CYB5RL: variants seen among roughly 807,000 people sequenced by gnomAD.
CYB5RL encodes the protein cytochrome b5 reductase like.
A neutral mutation model predicts 37.5 loss-of-function variants in CYB5RL; 38 were observed. The observed-to-expected ratio is 1.01, with a 90% CI of 0.78 to 1.33. The LOEUF (loss-of-function observed/expected upper bound fraction) is 1.33, where lower values mean the gene tolerates loss of function less well. Among genes scored for constraint, CYB5RL ranks in the 40% most tolerant of loss-of-function variants. The pLI, the probability that CYB5RL is intolerant of heterozygous loss-of-function variation, is 0.00. For synonymous variants in CYB5RL, 141 were observed against 151.9 expected, an observed-to-expected ratio of 0.93 and a Z score of 0.53; for missense variants, 388 against 394.4, an observed-to-expected ratio of 0.98 and a Z score of 0.14.
rs1232685056 is a variant in CYB5RL, at chr1:54,187,342, A to G, written c.435+310T>C. 3.3e-5 allele frequency among the ~76,000 whole-genome samples: 5 copies of G among 152,110 alleles called. No homozygotes were observed. The East Asian group carries it at 7.7e-4, about 23-fold the overall frequency. ...AGAATGCCATTTACGGCCACTGCCA[A>G]TTTGTACTCCTTCTTCAAGGTCCAA... On this transcript the variant is annotated intron_variant, in intron 5 of 7. Transcript: ENST00000534324.
chr1:54,193,338 A>C (rs1380399090), intron 3 of CYB5RL, among the ~76,000 whole-genome samples: 1 of 152,206 alleles, frequency 6.6e-6, no homozygotes, highest in Admixed American at 6.5e-5. Context: ...ACATAAGAGT[A>C]CATCTAGATG....
At position 54,172,335 on chromosome 1, in the gene CYB5RL, C is replaced by CAT. The variant is rs1659912332; in HGVS notation, c.*2283_*2284insAT. The CAT allele has an allele frequency of 9.5e-6, 1 of 104,858 alleles. No individual in the cohort carries two copies. The allele number at this position is 104,858 out of a possible 1,614,324, so 6.5% of individuals were successfully genotyped here. ...GCGCATACCACCACATAAGGTTAATCTTTTTTTTTTTTTTTTTTTTGTAGA... is the reference window on the plus strand; with the variant it reads ...GCGCATACCACCACATAAGGTTAATCATTTTTTTTTTTTTTTTTTTTTGTAGA... On this transcript the variant is annotated 3_prime_UTR_variant, in exon 8 of 8. Transcript: ENST00000534324.
intron 5 of CYB5RL, among the ~76,000 whole-genome samples, chr1:54,186,877 G>A (rs769015813): frequency 1.3e-5 from 2 of 151,888 alleles, no homozygotes; most frequent in African/African-American, 2.4e-5. Context: ...GGGGGACTCC[G>A]TTTACTTATC....
chr1:54,195,589 C>G lies in CYB5RL; in HGVS notation c.28G>C (p.Asp10His). 6.2e-7 allele frequency: 1 copy of G among 1,612,294 alleles called. No individual in the cohort carries two copies. Among genetic ancestry groups the G allele is most frequent in the Non-Finnish European group, 8.5e-7 (1 of 1,178,802 alleles). The change falls in exon 3 of 8, where the codon GAC (aspartate) becomes CAC (histidine). Residue 10 changes from aspartate to histidine, a missense_variant. Asp to His is a moderately conservative substitution (Grantham distance 81). Transcript: ENST00000534324. MMAEREEDD[D>H]TEEAWMQLRP... ...AGCTGCATCCAGGCTTCCTCAGTGT[C>G]GTCGTCCTCTTCCCTCTCAGCCATC...
Position 54,179,319 on chromosome 1 carries a change from C to T in CYB5RL, c.574G>A (p.Gly192Ser), listed in dbSNP as rs199997558. The T allele has an allele frequency of 1.5e-5, 24 of 1,613,664 alleles. No individual in the cohort carries two copies. The East Asian group carries it at 4.5e-4, about 30-fold the overall frequency. The stretch of plus-strand genomic sequence containing the variant: ...AGGATAGGCACCATGGGGGCCAGGC[C>T]CGTGCCCGCAGCCAGCAAGAGGAGC... ...GELLLLAAGT[G>S]LAPMVPILQS... The change falls in exon 7 of 8, where the codon GGC (glycine) becomes AGC (serine). Residue 192 changes from glycine to serine, a missense_variant. Transcript: ENST00000534324.
chr1:54,180,165 A>G, intron 6 of CYB5RL: 1 of 416,896 alleles, frequency 2.4e-6, no homozygotes, highest in Non-Finnish European at 4.7e-6. Context: ...TGAGCCTGGG[A>G]GGCAGAGGTT....
At chr1:54,182,088 A>C (rs1660173977) in intron 6 of CYB5RL, among the ~76,000 whole-genome samples, 2 of 152,246 alleles carry the variant, frequency 1.3e-5, no homozygotes, top group Admixed American at 1.3e-4. Context: ...ACTCTAGACA[A>C]GGAGGAAACA....
chr1:54,192,137 A>G (rs969056716), intron 3 of CYB5RL, among the ~76,000 whole-genome samples: 3 of 151,964 alleles, frequency 2.0e-5, no homozygotes, highest in African/African-American at 7.2e-5. Flanking sequence ...ATGCTATTTT[A>G]TAGGACTGAC....
chr1:54,179,605 A>G (rs1275120143), intron 6 of CYB5RL, among the ~76,000 whole-genome samples: 1 of 152,214 alleles, frequency 6.6e-6, no homozygotes, highest in Non-Finnish European at 1.5e-5. Context: ...CCATCCTGTA[A>G]GTGGCCTGGT....
rs1384503037 is a variant in CYB5RL, at chr1:54,171,355, C to A, written c.*3264G>T. On this transcript the variant is annotated 3_prime_UTR_variant, in exon 8 of 8. Transcript: ENST00000534324. Reference sequence around the variant, plus strand: ...GCAGAGAGGCCCTACCCCAAGGCCACAGGGAGACAGGGAAGGATTTCAAGC... The same window carrying A: ...GCAGAGAGGCCCTACCCCAAGGCCAAAGGGAGACAGGGAAGGATTTCAAGC... 1 of 456,298 alleles carries A rather than the reference C, an allele frequency of 2.2e-6. No individual in the cohort carries two copies. Among genetic ancestry groups the A allele is most frequent in the African/African-American group, 2.0e-5 (1 of 50,118 alleles). The allele number at this position is 456,298 out of a possible 1,614,324, so 28.3% of individuals were successfully genotyped here. A position where few individuals can be genotyped will look rare whatever the true frequency, so the allele number is the denominator to read the frequency against.
Position 54,174,811 on chromosome 1 carries a change from T to G in CYB5RL, c.756A>C (p.Ser252=), listed in dbSNP as rs1659979356. The stretch of plus-strand genomic sequence containing the variant: ...CTTGGTAACTCCAGGGAAGCTGCTC[T>G]GAGGAGCTCTCCTGGGAAGACAAGA... ...TFFVLSQESS[S]EQLPWSYQEK... The change falls in exon 8 of 8, where the codon TCA becomes TCC. Residue 252 remains serine, a synonymous_variant. Coordinates refer to ENST00000534324, the MANE Select transcript of CYB5RL (RefSeq NM_001031672.4). 5 of 1,613,238 alleles carry G rather than the reference T, an allele frequency of 3.1e-6. No individual in the cohort carries two copies. Among genetic ancestry groups the G allele is most frequent in the Non-Finnish European group, 4.2e-6 (5 of 1,179,870 alleles).
chr1:54,193,561 T>A (rs943035004), intron 3 of CYB5RL, among the ~76,000 whole-genome samples: 12 of 152,110 alleles, frequency 7.9e-5, no homozygotes, highest in African/African-American at 2.4e-4. Context: ...AAATATAAAG[T>A]CATGCATGCC....
chr1:54,190,138 C>A lies in CYB5RL; in HGVS notation c.347+610G>T, dbSNP rs12078362. Among the ~76,000 whole-genome samples the A allele has an allele frequency of 8.1e-3, 1,230 of 152,138 alleles. 18 individuals carry two copies. Among genetic ancestry groups the A allele is most frequent in the African/African-American group, 0.028 (1,170 of 41,498 alleles). On this transcript the variant is annotated intron_variant, in intron 4 of 7. Transcript: ENST00000534324. ...CATCCCAAAGGGTCTTGTCTCTGGG[C>A]AGGCAGGGGTGGGGACTGGGGTGGG...
intron 6 of CYB5RL, among the ~76,000 whole-genome samples, chr1:54,182,321 C>A (rs1276926809): frequency 6.6e-6 from 1 of 152,184 alleles, no homozygotes; most frequent in South Asian, 2.1e-4. Flanking sequence ...TGAGGTGCTA[C>A]ACGTGCTTGA....
rs765433692 is a variant in CYB5RL, at chr1:54,179,222, C to G, written c.671G>C (p.Ser224Thr). ...TTGGAGGAAGGTTTTCAGGTAGATG[C>G]TCTCAAAGGTCTTGAAGCAACCGAC... ...TLVGCFKTFE[S>T]IYLKTFLQEQ... The change falls in exon 7 of 8, where the codon AGC becomes ACC. Residue 224 changes from serine to threonine, a missense_variant. Ser to Thr is a moderately conservative substitution (Grantham distance 58, BLOSUM62 1). Transcript: ENST00000534324. 9 of 1,613,650 alleles carry G rather than the reference C, an allele frequency of 5.6e-6. No homozygotes were observed. In the South Asian group the frequency reaches 9.9e-5, roughly 18 times the overall value.
At chr1:54,194,029 GATAATAATA>G (rs35993013) in intron 3 of CYB5RL, among the ~76,000 whole-genome samples, 2 of 144,326 alleles carry the variant, frequency 1.4e-5, no homozygotes, top group African/African-American at 2.6e-5. Flanking sequence ...TAATAATAAT[GATAATAATA>G]ATAATAATAA....
At chr1:54,189,982 C>A (rs1643934993) in intron 4 of CYB5RL, among the ~76,000 whole-genome samples, 1 of 152,198 alleles carries the variant, frequency 6.6e-6, no homozygotes, top group African/African-American at 2.4e-5. Context: ...CTTTCTCTTT[C>A]CATGCACACA....
Position 54,195,617 on chromosome 1 carries a change from C to T in CYB5RL, c.-1G>A. 1 of 1,606,986 alleles carries T rather than the reference C, an allele frequency of 6.2e-7. No individual in the cohort carries two copies. Among genetic ancestry groups the T allele is most frequent in the Non-Finnish European group, 8.5e-7 (1 of 1,175,426 alleles). Reference sequence around the variant, plus strand: ...CGTCCTCTTCCCTCTCAGCCATCATCAGTGGGGCTTGGGCAGCCTAGAAGG... The same window carrying T: ...CGTCCTCTTCCCTCTCAGCCATCATTAGTGGGGCTTGGGCAGCCTAGAAGG... On this transcript the variant is annotated 5_prime_UTR_variant, in exon 3 of 8. Coordinates refer to ENST00000534324, the MANE Select transcript of CYB5RL (RefSeq NM_001031672.4).
At chr1:54,189,873 C>T (rs1643933926) in intron 4 of CYB5RL, among the ~76,000 whole-genome samples, 1 of 152,210 alleles carries the variant, frequency 6.6e-6, no homozygotes, top group Non-Finnish European at 1.5e-5. Flanking sequence ...CTTCTGGTTT[C>T]CACCTTCTCC....
Sources: gnomAD v4.1 joint callset for allele counts (sites outside exome capture counted in the v4.1 genomes callset) on GRCh38, gnomAD v4.1.1 for gene constraint, MANE v1.5 for transcripts, NCBI Gene and HGNC (gene_info 2026-07-23, HGNC 2026-07-21) for gene names.